The following EPHA10 variants were observed in gnomAD, a reference collection of about 807,000 sequenced individuals.
EPHA10 encodes the protein ephrin type-A receptor 10.
A neutral mutation model predicts 109.7 loss-of-function variants in EPHA10; 120 were observed. That is an observed-to-expected ratio of 1.09 (90% CI 0.94 to 1.27). The LOEUF is 1.27. Ranked by LOEUF, EPHA10 falls within the 50% of genes most tolerant of loss-of-function variation. The pLI, the probability that EPHA10 is intolerant of heterozygous loss-of-function variation, is 0.00. For synonymous variants in EPHA10, 640 were observed against 618.9 expected, an observed-to-expected ratio of 1.03 and a Z score of -0.51; for missense variants, 1,396 against 1,411.1, an observed-to-expected ratio of 0.99 and a Z score of 0.17.
At chr1:37,755,082 G>A (rs1299368161) in intron 3 of EPHA10, among the ~76,000 whole-genome samples, 1 of 152,152 alleles carries the variant, frequency 6.6e-6, no homozygotes, top group Non-Finnish European at 1.5e-5. Context: ...TTGCAGGCGT[G>A]AGCCACTGTG....
Position 37,735,339 on chromosome 1 carries a change from A to G in EPHA10, c.1409T>C (p.Val470Ala), listed in dbSNP as rs1422849096. 1 of 1,575,844 alleles carries G rather than the reference A, an allele frequency of 6.3e-7. No homozygotes were observed. The highest frequency in any genetic ancestry group is 8.6e-7 in the Non-Finnish European group (1 of 1,160,728). Residue 470 changes from valine (V) to alanine (A), a missense_variant, in exon 6 of 17, where the codon GTG becomes GCG. By Grantham distance (64) the Val-to-Ala change is moderately conservative. Transcript: ENST00000373048. ...IRRDRVEPQSVSLSWREPIPA... is the reference protein window; with the variant it reads ...IRRDRVEPQSASLSWREPIPA... ...GATGGGCTCCCGCCACGACAGGGAC[A>G]CGCTCTGGGGTTCCACTCGGTCCCT... is the stretch of plus-strand genomic sequence containing the variant.
In EPHA10 at chr1:37,764,856, T is replaced by A; in HGVS notation, c.106+105A>T. 1 of 1,010,992 alleles carries A rather than the reference T, an allele frequency of 9.9e-7. No homozygotes were observed. The highest frequency in any genetic ancestry group is 1.4e-6 in the Non-Finnish European group (1 of 692,260). 62.6% of individuals were successfully genotyped at this position (1,010,992 alleles called of 1,614,324 possible). A position where few individuals can be genotyped will look rare whatever the true frequency, so the allele number is the denominator to read the frequency against. On this transcript the variant is annotated intron_variant, in intron 1 of 16. Coordinates refer to ENST00000373048, the MANE Select transcript of EPHA10 (RefSeq NM_001099439.2). This position sits in a 1 kb window ranked among gnomAD's most constrained non-coding sequence, Gnocchi z 5.8. Reference sequence around the variant, plus strand: ...GCTGCCTGCTTGCTTCAAGCCCCAATACAGACTCTAGTCTCTCCAATGACT... The same window carrying A: ...GCTGCCTGCTTGCTTCAAGCCCCAAAACAGACTCTAGTCTCTCCAATGACT...
chr1:37,762,005 G>C lies in EPHA10; in HGVS notation c.250C>G (p.Gln84Glu). The C allele has an allele frequency of 1.2e-6, 2 of 1,614,154 alleles. No individual in the cohort carries two copies. The highest frequency in any genetic ancestry group is 4.5e-5 in the East Asian group (2 of 44,882). The change falls in exon 3 of 17, where the codon CAG (glutamine) becomes GAG (glutamate). Residue 84 changes from glutamine to glutamate, a missense_variant. By Grantham distance (29) the Gln-to-Glu change is conservative. Coordinates refer to ENST00000373048, the MANE Select transcript of EPHA10 (RefSeq NM_001099439.2). ...CAGCCAGTCTGCAGCCAGTTGTCCTGGTTGGGCTCCAGCACATTGCACACT... is the reference window on the plus strand; with the variant it reads ...CAGCCAGTCTGCAGCCAGTTGTCCTCGTTGGGCTCCAGCACATTGCACACT... ...YQVCNVLEPN[Q>E]DNWLQTGWIS... is the part of the protein sequence containing the mutation.
downstream of EPHA10, among the ~76,000 whole-genome samples, chr1:37,714,354 AGT>A (rs1645662616): frequency 6.6e-6 from 1 of 152,168 alleles, no homozygotes; most frequent in South Asian, 2.1e-4. Flanking sequence ...TGTGTCCATG[AGT>A]ACATATGTGT....
rs779262786 is a variant in EPHA10, at chr1:37,761,843, C to T, written c.412G>A (p.Gly138Ser). The T allele has an allele frequency of 6.2e-7, 1 of 1,613,202 alleles. No homozygotes were observed. The highest frequency in any genetic ancestry group is 8.5e-7 in the Non-Finnish European group (1 of 1,179,444). The change falls in exon 3 of 17, where the codon GGC becomes AGC. Residue 138 changes from glycine (G) to serine (S), a missense_variant. Transcript: ENST00000373048. Reference protein sequence around the residue: ...VYYLETEADLGRGRPRLGGSR... With the variant: ...VYYLETEADLSRGRPRLGGSR... ...CCGCCTAGGCGGGGACGCCCACGGC[C>T]CAGGTCGGCCTCAGTTTCCAGGTAG...
chr1:37,740,728 T>C (rs1646141015), intron 5 of EPHA10, among the ~76,000 whole-genome samples: 1 of 151,776 alleles, frequency 6.6e-6, no homozygotes, highest in Admixed American at 6.6e-5. Flanking sequence ...CGGGAGATAA[T>C]AAGGCCTGGG....
At chr1:37,753,693 AGCGGGAGCAGGGGTGAGTGGGAGCAGGG>A in intron 4 of EPHA10, among the ~76,000 whole-genome samples, 1 of 84,630 alleles carries the variant, frequency 1.2e-5, no homozygotes, top group East Asian at 2.8e-4. Context: ...AGCAGGGGCG[AGCGGGAGCAGGGGTGAGTGGGAGCAGGG>A]GCGAGCGGGA....
chr1:37,731,605 A>G (rs1196079903), intron 6 of EPHA10, 23 bp from the exon 7 acceptor site: 9 of 1,582,798 alleles, frequency 5.7e-6, no homozygotes, highest in Non-Finnish European at 7.7e-6. Flanking sequence ...CAAGAAGTGA[A>G]GCCCACCAGC....
rs1336881611 is a variant in EPHA10, at chr1:37,723,521, T to C, written c.1773-149A>G. 1.2e-5 allele frequency: 11 copies of C among 909,716 alleles called. No homozygotes were observed. The East Asian group carries it at 2.9e-4, about 24-fold the overall frequency. 56.4% of individuals were successfully genotyped at this position (909,716 alleles called of 1,614,324 possible). Reference sequence around the variant, plus strand: ...TTCTTGTCCAGCTGGTTTAAAAGCTTCTCTGTGGTTTGACGACCTCCCCAT... The same window carrying C: ...TTCTTGTCCAGCTGGTTTAAAAGCTCCTCTGTGGTTTGACGACCTCCCCAT... On this transcript the variant is annotated intron_variant, in intron 8 of 16. Coordinates refer to ENST00000373048, the MANE Select transcript of EPHA10 (RefSeq NM_001099439.2).
rs766201187 is a variant in EPHA10, at chr1:37,761,630, T to A, written c.625A>T (p.Lys209Ter). Residue 209 changes from lysine to a stop codon, truncating the protein, a stop_gained, in exon 3 of 17, where the codon AAG becomes TAG. Transcript: ENST00000373048. LOFTEE classifies it high-confidence loss of function. ...CCCCGCACGGTGGCGCGGCACTGCT[T>A]GTAGTAGACGCGCACCGAGACAAGC... ...VALVSVRVYY[K>*]QCRATVRGLA... The A allele has an allele frequency of 6.2e-7, 1 of 1,604,692 alleles. No individual in the cohort carries two copies. Among genetic ancestry groups the A allele is most frequent in the Non-Finnish European group, 8.5e-7 (1 of 1,179,608 alleles).
At chr1:37,739,864 T>A (rs1478075884) in intron 5 of EPHA10, among the ~76,000 whole-genome samples, 2 of 150,840 alleles carry the variant, frequency 1.3e-5, no homozygotes, top group African/African-American at 4.9e-5. Context: ...AGGGCCAGGG[T>A]GGGAGGATCG....
chr1:37,723,474 C>T (rs1363458347), intron 8 of EPHA10, 102 bp from the exon 9 acceptor site: 6 of 1,320,860 alleles, frequency 4.5e-6, no homozygotes, highest in Non-Finnish European at 5.2e-6. Flanking sequence ...AAAGACAAGG[C>T]CTGTGCCCTG....
intron 3 of EPHA10, among the ~76,000 whole-genome samples, chr1:37,759,822 T>C (rs1410887701): frequency 6.6e-6 from 1 of 151,820 alleles, no homozygotes; most frequent in Non-Finnish European, 1.5e-5. Flanking sequence ...GTTCTTAATC[T>C]AGTGGTGAAA....
Position 37,727,127 on chromosome 1 carries a change from T to C in EPHA10, c.1747A>G (p.Met583Val), listed in dbSNP as rs1354891880. ...CTCCTCCAAATGGCCAGCACACTCATCACGGAGCCCAGGACGAGGAGGGCC... is the reference window on the plus strand; with the variant it reads ...CTCCTCCAAATGGCCAGCACACTCACCACGGAGCCCAGGACGAGGAGGGCC... ...ISALLVLGSV[M>V]SVLAIWRRPC... is the part of the protein sequence containing the mutation. Residue 583 changes from methionine (M) to valine (V), a missense_variant, in exon 8 of 17, where the codon ATG becomes GTG. Physicochemically the swap from Met to Val is conservative, Grantham distance 21. Transcript: ENST00000373048. 9 of 1,612,146 alleles carry C rather than the reference T, an allele frequency of 5.6e-6. No individual in the cohort carries two copies. The highest frequency in any genetic ancestry group is 6.8e-6 in the Non-Finnish European group (8 of 1,179,046).
chr1:37,726,665 A>T (rs6686264), intron 8 of EPHA10, among the ~76,000 whole-genome samples: 46,260 of 152,026 alleles, frequency 0.3, 7,322 homozygotes, highest in Middle Eastern at 0.44. Flanking sequence ...GCTTTATGAA[A>T]TGCCCTCCCT....
chr1:37,760,412 C>A, intron 3 of EPHA10: 1 of 1,055,762 alleles, frequency 9.5e-7, no homozygotes, highest in Non-Finnish European at 1.1e-6. Context: ...GAGAACCCAG[C>A]AAAACCCTCA....
intron 3 of EPHA10, among the ~76,000 whole-genome samples, chr1:37,757,931 C>G (rs904921289): frequency 2.5e-4 from 38 of 152,160 alleles, no homozygotes; most frequent in Non-Finnish European, 5.0e-4. Flanking sequence ...CAACCATCTC[C>G]CCTCTCCTCC....
At position 37,736,524 on chromosome 1, in the gene EPHA10, A is replaced by G. The variant is rs1646075216; in HGVS notation, c.1358-1134T>C. ...AGAGATTGAGACCATCCTGGCCAACATGGTGAAACCCCGTCTCTACTAAAA... is the reference window on the plus strand; with the variant it reads ...AGAGATTGAGACCATCCTGGCCAACGTGGTGAAACCCCGTCTCTACTAAAA... On this transcript the variant is annotated intron_variant, in intron 5 of 16. Transcript: ENST00000373048. Among the ~76,000 whole-genome samples, 6 of 149,840 alleles carry G rather than the reference A, an allele frequency of 4.0e-5. No homozygotes were observed. The South Asian group carries it at 1.3e-3, about 32-fold the overall frequency.
chr1:37,737,975 A>T (rs1394505169), intron 5 of EPHA10: 2 of 41,592 alleles, frequency 4.8e-5, no homozygotes, highest in Admixed American at 9.2e-4. Context: ...CAAGCGAGGC[A>T]GTGGGAGTGG....
Sources: gnomAD v4.1 joint callset for allele counts (sites outside exome capture counted in the v4.1 genomes callset) on GRCh38, gnomAD v4.1.1 for gene constraint, Gnocchi (gnomAD v3.1) non-coding constraint, MANE v1.5 for transcripts, NCBI Gene and HGNC (gene_info 2026-07-23, HGNC 2026-07-21) for gene names.